RASGRF2: variants seen among roughly 807,000 people sequenced by gnomAD.
RASGRF2 encodes the protein ras-specific guanine nucleotide-releasing factor 2.
Under a neutral mutation model 151.0 loss-of-function variants are expected in RASGRF2, and 76 were observed. The ratio of observed to expected loss-of-function variants is 0.50; its 90% CI spans 0.42 to 0.61. RASGRF2 has a LOEUF of 0.61. Ranked by LOEUF, RASGRF2 falls within the 20% of genes least tolerant of loss-of-function variation. The pLI, the probability that RASGRF2 is intolerant of heterozygous loss-of-function variation, is 0.00. For synonymous variants in RASGRF2, 504 were observed against 566.5 expected, an observed-to-expected ratio of 0.89 and a Z score of 1.57; for missense variants, 1,148 against 1,564.6, an observed-to-expected ratio of 0.73 and a Z score of 4.49.
rs1756077357 is a variant in RASGRF2 at position 81,229,936 on chromosome 5, A to G, written c.*4166A>G. ...GAGGTCATCTGATTACTGTCCTCAG[A>G]TCTCTTTTGTAGAGGATTTCAATGT... On this transcript the variant is annotated 3_prime_UTR_variant, in exon 27 of 27. Transcript: ENST00000265080. 6.6e-6 allele frequency: 1 copy of G among 152,240 alleles called. No individual in the cohort carries two copies. Among genetic ancestry groups the G allele is most frequent in the Non-Finnish European group, 1.5e-5 (1 of 68,048 alleles). The allele number at this position is 152,240 out of a possible 1,614,324, so 9.4% of individuals were successfully genotyped here.
At chr5:81,140,314 T>A (rs1405955685) in intron 17 of RASGRF2, among the ~76,000 whole-genome samples, 1 of 152,164 alleles carries the variant, frequency 6.6e-6, no homozygotes, top group Non-Finnish European at 1.5e-5. Context: ...GTTTGGGACA[T>A]ATTTTCTATT....
intron 18 of RASGRF2, among the ~76,000 whole-genome samples, chr5:81,192,803 C>A (rs764690238): frequency 3.4e-4 from 51 of 152,222 alleles, no homozygotes; most frequent in Non-Finnish European, 8.8e-5. Flanking sequence ...TCATTCAGTG[C>A]CTTTGCCTCA....
At chr5:81,154,304 G>A (rs1233165344) in intron 17 of RASGRF2, among the ~76,000 whole-genome samples, 1 of 152,204 alleles carries the variant, frequency 6.6e-6, no homozygotes, top group African/African-American at 2.4e-5. Context: ...AGGCTAGAGT[G>A]CAGTGGTGTG....
intron 1 of RASGRF2, among the ~76,000 whole-genome samples, chr5:81,012,497 C>G (rs1294568863): frequency 6.6e-6 from 1 of 152,146 alleles, no homozygotes; most frequent in Non-Finnish European, 1.5e-5. Context: ...TGCTCCCCAG[C>G]CGTAGCGTGT....
At chr5:81,024,889 C>T (rs1749965269) in intron 1 of RASGRF2, among the ~76,000 whole-genome samples, 1 of 152,238 alleles carries the variant, frequency 6.6e-6, no homozygotes, top group African/African-American at 2.4e-5. Flanking sequence ...TTCTCCCATC[C>T]CATCCCTGGC....
At chr5:81,022,160 G>A (rs889419955) in intron 1 of RASGRF2, among the ~76,000 whole-genome samples, 3 of 152,194 alleles carry the variant, frequency 2.0e-5, no homozygotes, top group Non-Finnish European at 4.4e-5. Flanking sequence ...AGTAGCTGCA[G>A]GAGAGTGGGT....
In RASGRF2 at chr5:80,983,192, C is replaced by A. The variant is rs1193396438; in HGVS notation, c.288+22166C>A. ...GGCGTCAGCAATGACAGAGACCAAG[C>A]TGGGGGCATCCCCTTTGCCCCTGTT... On this transcript the variant is annotated intron_variant, in intron 1 of 26. Transcript: ENST00000265080. Among the ~76,000 whole-genome samples, 4 of 152,250 alleles carry A rather than the reference C, an allele frequency of 2.6e-5. No individual in the cohort carries two copies. The East Asian group carries it at 7.7e-4, about 29-fold the overall frequency.
intron 1 of RASGRF2, among the ~76,000 whole-genome samples, chr5:80,996,071 T>C (rs568617925): frequency 6.6e-6 from 1 of 152,048 alleles, no homozygotes; most frequent in African/African-American, 2.4e-5. Flanking sequence ...ACCTTATCTC[T>C]TCCTCCTCCT....
intron 17 of RASGRF2, among the ~76,000 whole-genome samples, chr5:81,162,668 T>G (rs750104949): frequency 1.4e-4 from 22 of 152,094 alleles, no homozygotes; most frequent in Non-Finnish European, 2.4e-4. Context: ...TTTAATTGAG[T>G]GCCAAGACTT....
rs564159757 is a variant in RASGRF2, at chr5:81,071,810, T to C, written c.633+1229T>C. On this transcript the variant is annotated intron_variant, in intron 4 of 26. Coordinates refer to ENST00000265080, the MANE Select transcript of RASGRF2 (RefSeq NM_006909.3). ...AAGAAAAAATTAATAAAATTCAATT[T>C]TCAGATGTGTGGTAGAAACTAGTCT... Among the ~76,000 whole-genome samples the C allele has an allele frequency of 8.5e-5, 13 of 152,208 alleles. No individual in the cohort carries two copies. In the South Asian group the frequency reaches 2.5e-3, roughly 29 times the overall value.
chr5:80,961,153 G>C (rs1747540361), intron 1 of RASGRF2, 127 bp downstream of exon 1: 1 of 1,110,148 alleles, frequency 9.0e-7, no homozygotes, highest in South Asian at 2.2e-5. Flanking sequence ...ATCCCCCCGC[G>C]TCACCAGTGG....
intron 17 of RASGRF2, among the ~76,000 whole-genome samples, chr5:81,144,058 A>G (rs1380520730): frequency 6.6e-6 from 1 of 152,234 alleles, no homozygotes; most frequent in Middle Eastern, 3.2e-3. Flanking sequence ...CCTCAAAAAT[A>G]TACAATGAAA....
At chr5:80,974,830 G>A (rs1473969337) in intron 1 of RASGRF2, among the ~76,000 whole-genome samples, 1 of 152,082 alleles carries the variant, frequency 6.6e-6, no homozygotes, top group Non-Finnish European at 1.5e-5. Context: ...TGGACATTGG[G>A]TGTGAAAAAT....
intron 1 of RASGRF2, among the ~76,000 whole-genome samples, chr5:81,010,387 A>G (rs1027545864): frequency 6.6e-6 from 1 of 152,192 alleles, no homozygotes; most frequent in Non-Finnish European, 1.5e-5. Flanking sequence ...TTTGGCTTGT[A>G]TTTTTACAAT....
chr5:81,132,641 T>G (rs1753652870), intron 17 of RASGRF2, among the ~76,000 whole-genome samples: 1 of 152,188 alleles, frequency 6.6e-6, no homozygotes, highest in African/African-American at 2.4e-5. Flanking sequence ...CTAGGGTCAC[T>G]GTAAATGTTT....
intron 12 of RASGRF2, among the ~76,000 whole-genome samples, chr5:81,107,714 C>T (rs1052813332): frequency 3.3e-5 from 5 of 152,118 alleles, no homozygotes; most frequent in African/African-American, 9.7e-5. Context: ...GTAATCCACT[C>T]GTGGGATAAG....
Position 81,123,688 on chromosome 5 carries a change from C to G in RASGRF2, c.2517C>G (p.Ser839=). Residue 839 remains serine, a synonymous_variant, in exon 16 of 27, where the codon TCC becomes TCG. Transcript: ENST00000265080. ...CGGACCGAGCAGGAGTGGAAAGCTC[C>G]CCTGCAGCGGACACCACAGAACTTT... is the stretch of plus-strand genomic sequence containing the variant. ...APADRAGVES[S]PAADTTELSP... 1 of 1,613,966 alleles carries G rather than the reference C, an allele frequency of 6.2e-7. No homozygotes were observed. The highest frequency in any genetic ancestry group is 8.5e-7 in the Non-Finnish European group (1 of 1,179,948).
chr5:81,081,660 C>T (rs751534110), intron 7 of RASGRF2, among the ~76,000 whole-genome samples: 43 of 152,178 alleles, frequency 2.8e-4, no homozygotes, highest in Non-Finnish European at 5.7e-4. Context: ...TACTGTGGAG[C>T]GCTTTGTCCT....
rs57957668 is a variant in RASGRF2 at position 81,172,434 on chromosome 5, C to CGTGTGT, written c.2687-7706_2687-7701dup. Among the ~76,000 whole-genome samples the CGTGTGT allele has an allele frequency of 7.8e-4, 113 of 145,616 alleles. 1 individual carries two copies. The highest frequency in any genetic ancestry group is 1.2e-3 in the Non-Finnish European group (82 of 65,802). On this transcript the variant is annotated intron_variant, in intron 17 of 26. Transcript: ENST00000265080. ...GCTTTCCCTCGTCTACAAGGATGTG[C>CGTGTGT]GTGTGTGTGTGTGTGTGTGTGTGTG... is the stretch of plus-strand genomic sequence containing the variant.
Sources: gnomAD v4.1 joint callset for allele counts (sites outside exome capture counted in the v4.1 genomes callset) on GRCh38, gnomAD v4.1.1 for gene constraint, MANE v1.5 for transcripts, NCBI Gene and HGNC (gene_info 2026-07-23, HGNC 2026-07-21) for gene names.